The following MMP16 variants were observed in gnomAD, a reference collection of about 807,000 sequenced individuals.
The protein encoded by MMP16 is matrix metallopeptidase 16, also known as matrix metalloproteinase-16.
Under a neutral mutation model 67.8 loss-of-function variants are expected in MMP16, and 12 were observed. That is an observed-to-expected ratio of 0.18 (90% confidence interval 0.11 to 0.29). The LOEUF (loss-of-function observed/expected upper bound fraction) is 0.29. Among genes scored for constraint, MMP16 ranks in the 10% least tolerant of loss-of-function variants. The pLI is 1.00. For synonymous variants in MMP16, 249 were observed against 255.9 expected (o/e 0.97, Z 0.26); for missense variants, 475 against 765.7 (o/e 0.62, Z 4.48).
chr8:88,302,540 T>C (rs1190189682), intron 1 of MMP16, among the ~76,000 whole-genome samples: 1 of 151,764 alleles, frequency 6.6e-6, no homozygotes, highest in Non-Finnish European at 1.5e-5. Context: ...CAACCCTAAA[T>C]CACACTTTAA....
At chr8:88,065,361 C>T (rs1808451270) in intron 7 of MMP16, among the ~76,000 whole-genome samples, 1 of 152,004 alleles carries the variant, frequency 6.6e-6, no homozygotes, top group Non-Finnish European at 1.5e-5. Flanking sequence ...TGAAAATAGA[C>T]ATAATAAAAC....
At chr8:88,202,249 A>T (rs1809355112) in intron 1 of MMP16, among the ~76,000 whole-genome samples, 1 of 152,196 alleles carries the variant, frequency 6.6e-6, no homozygotes, top group Non-Finnish European at 1.5e-5. Flanking sequence ...TTAAGAGGCA[A>T]CTGTCATTTG....
chr8:88,058,489 T>G lies in MMP16; in HGVS notation c.1223-2211A>C, dbSNP rs1462895693. Among the ~76,000 whole-genome samples, 1 of 152,072 alleles carries G rather than the reference T, an allele frequency of 6.6e-6. No homozygotes were observed. Among genetic ancestry groups the G allele is most frequent in the Non-Finnish European group, 1.5e-5 (1 of 68,004 alleles). ...AAGCTTAGATATCAGTGAGTGAGTA[T>G]GAATCAAACAGATGAATAAATTAAA... On this transcript the variant is annotated intron_variant, in intron 7 of 9. Transcript: ENST00000286614. The surrounding 1 kb of genome is among the most constrained non-coding windows in gnomAD (Gnocchi z 4.2).
intron 1 of MMP16, among the ~76,000 whole-genome samples, chr8:88,242,639 C>T (rs938019873): frequency 4.6e-5 from 7 of 152,124 alleles, no homozygotes; most frequent in African/African-American, 7.2e-5. Context: ...GTAAACACCC[C>T]ATCTGAATGC....
In MMP16 at chr8:88,102,820, C is replaced by T. The variant is rs562721369; in HGVS notation, c.1083+13687G>A. Among the ~76,000 whole-genome samples the T allele has an allele frequency of 3.9e-5, 6 of 151,982 alleles. No individual in the cohort carries two copies. The East Asian group carries it at 9.8e-4, about 25-fold the overall frequency. On this transcript the variant is annotated intron_variant, in intron 6 of 9. Coordinates refer to ENST00000286614, the MANE Select transcript of MMP16 (RefSeq NM_005941.5). Reference sequence around the variant, plus strand: ...ATATATTTTATAATACCATAGTCCACTTGCCCAAATCTCTTTTTTGCTAGT... The same window carrying T: ...ATATATTTTATAATACCATAGTCCATTTGCCCAAATCTCTTTTTTGCTAGT...
rs558721094 is a variant in MMP16, at chr8:88,062,921, GT to G, written c.1223-6644del. ...TTTTTTACTGTACATATGACAGGTG[GT>G]TTTTTAACTACCCTACCATCAGACA... On this transcript the variant is annotated intron_variant, in intron 7 of 9. Transcript: ENST00000286614. Among the ~76,000 whole-genome samples, 19 of 152,184 alleles carry G rather than the reference GT, an allele frequency of 1.2e-4. No homozygotes were observed. In the East Asian group the frequency reaches 3.7e-3, roughly 29 times the overall value.
At chr8:88,197,597 A>T (rs1586200418) in intron 1 of MMP16, among the ~76,000 whole-genome samples, 1 of 152,300 alleles carries the variant, frequency 6.6e-6, no homozygotes, top group Non-Finnish European at 1.5e-5. Context: ...AATACTGGAT[A>T]AAAACTTAAG....
At position 88,201,493 on chromosome 8, in the gene MMP16, A is replaced by G. The variant is rs556131839; in HGVS notation, c.133-4187T>C. Among the ~76,000 whole-genome samples, 23 of 152,272 alleles carry G rather than the reference A, an allele frequency of 1.5e-4. No individual in the cohort carries two copies. In the East Asian group the frequency reaches 4.4e-3, roughly 29 times the overall value. On this transcript the variant is annotated intron_variant, in intron 1 of 9. Coordinates refer to ENST00000286614, the MANE Select transcript of MMP16 (RefSeq NM_005941.5). The stretch of plus-strand genomic sequence containing the variant: ...TAAATTTATTTTATAGCATTTATTT[A>G]GTAAGAATCTCTTCCATTTACTTGA...
At chr8:88,144,089 T>TA (rs1461249121) in intron 4 of MMP16, among the ~76,000 whole-genome samples, 2 of 152,048 alleles carry the variant, frequency 1.3e-5, no homozygotes, top group African/African-American at 2.4e-5. Flanking sequence ...CTTTTATAGG[T>TA]AAAAAACTTT....
rs4043665 is a variant in MMP16, at chr8:88,186,602, CAAAAAA to C, written c.282-10_282-5del. On this transcript the variant is annotated splice_region_variant and splice_polypyrimidine_tract_variant and intron_variant, in intron 2 of 9. Coordinates refer to ENST00000286614, the MANE Select transcript of MMP16 (RefSeq NM_005941.5). ...GCATCGGGGCTTCTTCATCCAGCTG[CAAAAAA>C]AAAAAAAAAAAAAAAAAAGCAGTAT... 4,395 of 1,156,846 alleles carry C rather than the reference CAAAAAA, an allele frequency of 3.8e-3. No individual in the cohort carries two copies. Among genetic ancestry groups the C allele is most frequent in the East Asian group, 7.7e-3 (229 of 29,766 alleles). 71.7% of individuals were successfully genotyped at this position (1,156,846 alleles called of 1,614,324 possible).
chr8:88,193,077 T>G (rs1809195348), intron 2 of MMP16, among the ~76,000 whole-genome samples: 1 of 150,600 alleles, frequency 6.6e-6, no homozygotes, highest in Admixed American at 6.6e-5. Flanking sequence ...GGAAAGGGTA[T>G]CAGTATATTG....
At chr8:88,081,759 T>C (rs1808754979) in intron 6 of MMP16, among the ~76,000 whole-genome samples, 1 of 152,164 alleles carries the variant, frequency 6.6e-6, no homozygotes, top group Non-Finnish European at 1.5e-5. Context: ...AAACAGTTTT[T>C]TTTATAAACA....
intron 3 of MMP16, among the ~76,000 whole-genome samples, chr8:88,179,651 T>A (rs1225239322): frequency 6.6e-6 from 1 of 152,116 alleles, no homozygotes; most frequent in African/African-American, 2.4e-5. Context: ...CATGGATAAA[T>A]AAAATGAATA....
chr8:88,182,731 TTA>T (rs1311343913), intron 3 of MMP16, among the ~76,000 whole-genome samples: 15 of 152,152 alleles, frequency 9.9e-5, no homozygotes, highest in Non-Finnish European at 1.5e-5. Flanking sequence ...AGTTAAAAAT[TTA>T]TGCCTACACA....
At position 88,288,077 on chromosome 8, in the gene MMP16, T is replaced by C. The variant is rs191153659; in HGVS notation, c.132+38998A>G. On this transcript the variant is annotated intron_variant, in intron 1 of 9. Coordinates refer to ENST00000286614, the MANE Select transcript of MMP16 (RefSeq NM_005941.5). Reference sequence around the variant, plus strand: ...ATAGCCCTAAAGTTAGGCACACCACTTTGACAATACTAACTCAAAGCCTCA... The same window carrying C: ...ATAGCCCTAAAGTTAGGCACACCACCTTGACAATACTAACTCAAAGCCTCA... Among the ~76,000 whole-genome samples, 639 of 152,324 alleles carry C rather than the reference T, an allele frequency of 4.2e-3. 4 individuals carry two copies. Among genetic ancestry groups the C allele is most frequent in the African/African-American group, 0.014 (591 of 41,574 alleles).
intron 1 of MMP16, among the ~76,000 whole-genome samples, chr8:88,315,383 A>G (rs1449253797): frequency 1.3e-5 from 2 of 152,162 alleles, no homozygotes; most frequent in Non-Finnish European, 2.9e-5. Context: ...TTATTTGACT[A>G]TGGAATGTTT....
chr8:88,111,358 A>G (rs752056391), intron 6 of MMP16, among the ~76,000 whole-genome samples: 58 of 151,726 alleles, frequency 3.8e-4, no homozygotes, highest in Non-Finnish European at 6.2e-4. Flanking sequence ...AGAAATAAAG[A>G]CTGATGAAAG....
chr8:88,186,312 G>T, intron 3 of MMP16, 164 bp downstream of exon 3: 2 of 823,898 alleles, frequency 2.4e-6, no homozygotes, highest in Non-Finnish European at 3.7e-6. Context: ...GGTGTCTAAT[G>T]AACAATTTAC....
chr8:88,139,992 T>C (rs1451426542), intron 4 of MMP16, among the ~76,000 whole-genome samples: 1 of 152,200 alleles, frequency 6.6e-6, no homozygotes, highest in African/African-American at 2.4e-5. Context: ...TTAACAACAA[T>C]AATCGTTTGC....
Sources: allele counts gnomAD v4.1 joint callset (sites outside exome capture counted in the v4.1 genomes callset), GRCh38; gene constraint gnomAD v4.1.1; non-coding constraint Gnocchi (gnomAD v3.1); transcripts MANE v1.5; gene names NCBI Gene and HGNC (gene_info 2026-07-23, HGNC 2026-07-21).